The following ARHGAP15 variants were observed in gnomAD, a reference collection of about 807,000 sequenced individuals.
ARHGAP15 encodes Rho GTPase activating protein 15, also known as rho GTPase-activating protein 15.
ARHGAP15 carries 51 observed loss-of-function variants against 63.7 expected under a neutral mutation model. That is an observed-to-expected ratio of 0.80 (90% CI 0.64 to 1.01). The LOEUF is 1.01. ARHGAP15 is among the 50% of genes least tolerant of loss of function. The pLI, the probability that ARHGAP15 is intolerant of heterozygous loss-of-function variation, is 0.00. For synonymous variants in ARHGAP15, 191 were observed against 193.8 expected, an observed-to-expected ratio of 0.99 and a Z score of 0.12; for missense variants, 560 against 564.6, an observed-to-expected ratio of 0.99 and a Z score of 0.08.
chr2:143,461,086 T>C (rs902054359), intron 8 of ARHGAP15, among the ~76,000 whole-genome samples: 6 of 151,716 alleles, frequency 4.0e-5, no homozygotes, highest in Non-Finnish European at 1.5e-5. Flanking sequence ...GGTCAGGAGT[T>C]TGAGACCAGC....
intron 1 of ARHGAP15, among the ~76,000 whole-genome samples, chr2:143,136,331 T>C (rs1327232918): frequency 6.6e-6 from 1 of 152,070 alleles, no homozygotes; most frequent in Non-Finnish European, 1.5e-5. Flanking sequence ...TTATTTTTTA[T>C]TTTTTTGGTT....
chr2:143,317,198 T>TC (rs952289617), intron 6 of ARHGAP15, among the ~76,000 whole-genome samples: 1 of 152,092 alleles, frequency 6.6e-6, no homozygotes, highest in African/African-American at 2.4e-5. Context: ...GTCTTTCTTG[T>TC]CCCCCAGTGC....
intron 2 of ARHGAP15, among the ~76,000 whole-genome samples, chr2:143,170,365 G>A (rs1205459298): frequency 6.6e-6 from 1 of 152,142 alleles, no homozygotes; most frequent in African/African-American, 2.4e-5. Flanking sequence ...AACTTGATGA[G>A]AGACTACTTT....
Position 143,707,675 on chromosome 2 carries a change from T to C in ARHGAP15, c.1244+4151T>C, listed in dbSNP as rs570302988. On this transcript the variant is annotated intron_variant, in intron 13 of 13. Transcript: ENST00000295095. ...TTTATGCAGATAAAATTGTCCATGG[T>C]AGCACTGTTTGCAACAGTGAGCATT... is the stretch of plus-strand genomic sequence containing the variant. Among the ~76,000 whole-genome samples, 20 of 152,324 alleles carry C rather than the reference T, an allele frequency of 1.3e-4. No individual in the cohort carries two copies. The South Asian group carries it at 4.1e-3, about 32-fold the overall frequency.
intron 9 of ARHGAP15, among the ~76,000 whole-genome samples, chr2:143,499,670 T>G (rs1692969117): frequency 6.6e-6 from 1 of 152,144 alleles, no homozygotes; most frequent in African/African-American, 2.4e-5. Context: ...TAATTGTGTC[T>G]ATTTCCCAGG....
At chr2:143,737,785 T>G (rs1174978504) in intron 13 of ARHGAP15, among the ~76,000 whole-genome samples, 3 of 151,950 alleles carry the variant, frequency 2.0e-5, no homozygotes, top group East Asian at 3.9e-4. Flanking sequence ...GATGGAGTTT[T>G]CACTCTTGTT....
At chr2:143,311,088 A>T (rs1454169449) in intron 6 of ARHGAP15, among the ~76,000 whole-genome samples, 1 of 152,012 alleles carries the variant, frequency 6.6e-6, no homozygotes, top group African/African-American at 2.4e-5. Context: ...CTTAATCCTT[A>T]GAGAATTTGG....
At chr2:143,591,566 T>A (rs1697318005) in intron 11 of ARHGAP15, among the ~76,000 whole-genome samples, 1 of 151,898 alleles carries the variant, frequency 6.6e-6, no homozygotes, top group Non-Finnish European at 1.5e-5. Flanking sequence ...TTATTATTGT[T>A]ATTATTATGC....
At chr2:143,184,593 A>G (rs920753958) in intron 2 of ARHGAP15, among the ~76,000 whole-genome samples, 1 of 152,076 alleles carries the variant, frequency 6.6e-6, no homozygotes, top group South Asian at 2.1e-4. Flanking sequence ...CTGATTTAAG[A>G]GACTGATTTT....
chr2:143,235,029 G>T (rs79720098), intron 5 of ARHGAP15, among the ~76,000 whole-genome samples: 19,523 of 152,042 alleles, frequency 0.13, 1,381 homozygotes, highest in Middle Eastern at 0.24. Flanking sequence ...CTCACTTCAA[G>T]TTAAGTATGC....
intron 13 of ARHGAP15, among the ~76,000 whole-genome samples, chr2:143,726,552 C>A (rs1685288750): frequency 6.6e-6 from 1 of 152,218 alleles, no homozygotes; most frequent in East Asian, 1.9e-4. Context: ...TTTAGAGGCA[C>A]CTAATTAAGA....
intron 6 of ARHGAP15, among the ~76,000 whole-genome samples, chr2:143,389,142 T>G (rs1316217612): frequency 6.7e-6 from 1 of 148,924 alleles, no homozygotes; most frequent in Non-Finnish European, 1.5e-5. Context: ...TTATTTTTTA[T>G]TATTATTATT....
At chr2:143,153,815 CTTCTTCTTCT>C (rs1689942739) in intron 1 of ARHGAP15, among the ~76,000 whole-genome samples, 9 of 80,026 alleles carry the variant, frequency 1.1e-4, no homozygotes, top group Non-Finnish European at 2.0e-4. Flanking sequence ...TCTTCTTCTT[CTTCTTCTTCT>C]TCTTCTTCTT....
intron 11 of ARHGAP15, among the ~76,000 whole-genome samples, chr2:143,598,613 C>T (rs1697624205): frequency 1.3e-5 from 2 of 152,084 alleles, no homozygotes; most frequent in Non-Finnish European, 2.9e-5. Context: ...ATGAGCTGTT[C>T]ACTCTTTTTG....
chr2:143,450,257 A>G (rs368883932), intron 8 of ARHGAP15, among the ~76,000 whole-genome samples: 3 of 151,720 alleles, frequency 2.0e-5, no homozygotes, highest in East Asian at 3.9e-4. Flanking sequence ...TATTGAACGA[A>G]ATCCAGAATT....
At chr2:143,198,961 C>T (rs1691997062) in intron 2 of ARHGAP15, among the ~76,000 whole-genome samples, 1 of 152,080 alleles carries the variant, frequency 6.6e-6, no homozygotes, top group South Asian at 2.1e-4. Flanking sequence ...AACTCTTCCA[C>T]TCTTGAAAGT....
At chr2:143,730,597 A>G (rs188755412) in intron 13 of ARHGAP15, among the ~76,000 whole-genome samples, 1 of 152,328 alleles carries the variant, frequency 6.6e-6, no homozygotes, top group African/African-American at 2.4e-5. Flanking sequence ...AAATAACAGC[A>G]GTACAGCTAG....
At chr2:143,136,133 A>G (rs898304852) in intron 1 of ARHGAP15, among the ~76,000 whole-genome samples, 2 of 151,630 alleles carry the variant, frequency 1.3e-5, no homozygotes, top group Non-Finnish European at 2.9e-5. Flanking sequence ...TTTCAGGACA[A>G]GAGTCTAAGA....
intron 9 of ARHGAP15, among the ~76,000 whole-genome samples, chr2:143,495,116 C>T (rs1017188131): frequency 6.6e-6 from 1 of 152,184 alleles, no homozygotes; most frequent in African/African-American, 2.4e-5. Flanking sequence ...CTCAGCTTAT[C>T]TTGGCCATCC....
Sources: allele counts gnomAD v4.1 joint callset (sites outside exome capture counted in the v4.1 genomes callset), GRCh38; gene constraint gnomAD v4.1.1; transcripts MANE v1.5; gene names NCBI Gene and HGNC (gene_info 2026-07-23, HGNC 2026-07-21).